The following STK3 variants were observed in gnomAD, a reference collection of about 807,000 sequenced individuals.
STK3 encodes the protein serine/threonine kinase 3.
STK3 carries 41 observed loss-of-function variants against 58.0 expected under a neutral mutation model. The ratio of observed to expected loss-of-function variants is 0.71; its 90% CI spans 0.55 to 0.92. The LOEUF is 0.92. Among genes scored for constraint, STK3 ranks in the 40% least tolerant of loss-of-function variants. The probability of loss-of-function intolerance (pLI) is 0.00; values close to 1 mark genes in which losing one functional copy is unlikely to be tolerated. For synonymous variants in STK3, 170 were observed against 191.0 expected, an observed-to-expected ratio of 0.89 and a Z score of 0.91; for missense variants, 479 against 602.7, an observed-to-expected ratio of 0.79 and a Z score of 2.15.
chr8:98,419,118 TG>T (rs1205616665), intron 3 of STK3, among the ~76,000 whole-genome samples: 1 of 152,120 alleles, frequency 6.6e-6, no homozygotes, highest in Non-Finnish European at 1.5e-5. Context: ...CCCAGCACTT[TG>T]GGGGGCCGAA....
rs574745139 is a variant in STK3 at position 98,436,698 on chromosome 8, A to T, written n.291+405T>A. 13 of 152,290 alleles carry T rather than the reference A, an allele frequency of 8.5e-5. No homozygotes were observed. The South Asian group carries it at 2.7e-3, about 32-fold the overall frequency. The allele number at this position is 152,290 out of a possible 1,614,324, so 9.4% of individuals were successfully genotyped here. A position where few individuals can be genotyped will look rare whatever the true frequency, so the allele number is the denominator to read the frequency against. ...TACTGTGCAGCAGAATCCTCTGGGG[A>T]GCTCTTCACAATGTAGATTTCTGGG... is the stretch of plus-strand genomic sequence containing the variant. On this transcript the variant is annotated intron_variant and non_coding_transcript_variant, in intron 2 of 3. Coordinates refer to the STK3 transcript ENST00000517832.
intron 7 of STK3, among the ~76,000 whole-genome samples, chr8:98,588,752 G>A (rs1372514150): frequency 2.0e-5 from 3 of 151,214 alleles, no homozygotes; most frequent in Admixed American, 2.0e-4. Context: ...ACGTAGATTT[G>A]GTCTTTTCAC....
At chr8:98,700,215 G>A (rs1014011267) in intron 6 of STK3, among the ~76,000 whole-genome samples, 6 of 152,166 alleles carry the variant, frequency 3.9e-5, no homozygotes, top group Admixed American at 1.3e-4. Flanking sequence ...TAAGCCCCTC[G>A]GAAAAGCGCA....
chr8:98,646,118 C>T (rs1446969951), intron 6 of STK3, among the ~76,000 whole-genome samples: 1 of 152,244 alleles, frequency 6.6e-6, no homozygotes, highest in Non-Finnish European at 1.5e-5. Context: ...GCCAGCTGGA[C>T]ATCAGTCTCT....
chr8:98,498,393 T>A (rs1823311340), intron 10 of STK3, among the ~76,000 whole-genome samples: 1 of 152,148 alleles, frequency 6.6e-6, no homozygotes, highest in African/African-American at 2.4e-5. Context: ...TGCAGTAACA[T>A]GTCCTCTCTA....
At chr8:98,493,972 A>G (rs1433753569) in intron 10 of STK3, among the ~76,000 whole-genome samples, 1 of 152,172 alleles carries the variant, frequency 6.6e-6, no homozygotes, top group African/African-American at 2.4e-5. Flanking sequence ...CTGTCCCCTA[A>G]TATCAATTTC....
At chr8:98,654,201 T>G (rs1429579631) in intron 6 of STK3, among the ~76,000 whole-genome samples, 1 of 152,162 alleles carries the variant, frequency 6.6e-6, no homozygotes, top group Non-Finnish European at 1.5e-5. Flanking sequence ...ATAAATGTAA[T>G]CCAGCACAGA....
chr8:98,361,334 AC>A, the STK3 span, among the ~76,000 whole-genome samples: 1 of 151,732 alleles, frequency 6.6e-6, no homozygotes, highest in African/African-American at 2.4e-5. Flanking sequence ...ACAAGGCATG[AC>A]CCCCATATAT....
chr8:98,849,081 C>T (rs951038209), intron 3 of STK3, among the ~76,000 whole-genome samples: 2 of 151,884 alleles, frequency 1.3e-5, no homozygotes, highest in African/African-American at 4.8e-5. Flanking sequence ...AAAAAATTAG[C>T]TGGGCGTGGT....
chr8:98,838,823 G>A (rs775878959), intron 3 of STK3, among the ~76,000 whole-genome samples: 8 of 151,824 alleles, frequency 5.3e-5, no homozygotes, highest in Non-Finnish European at 8.8e-5. Context: ...AACTCTCAAG[G>A]TTATTCCATT....
the STK3 span, among the ~76,000 whole-genome samples, chr8:98,351,289 T>C: frequency 6.6e-6 from 1 of 152,202 alleles, no homozygotes; most frequent in Non-Finnish European, 1.5e-5. Context: ...AAATGAGTGC[T>C]AATGATAAAG....
intron 6 of STK3, among the ~76,000 whole-genome samples, chr8:98,607,242 C>T (rs1243213254): frequency 3.9e-5 from 6 of 152,196 alleles, no homozygotes; most frequent in African/African-American, 7.2e-5. Context: ...TTGTGGTTCT[C>T]GAGGTGTTCA....
At chr8:98,429,460 T>A (rs1818297338) in intron 3 of STK3, 3 of 1,405,540 alleles carry the variant, frequency 2.1e-6, no homozygotes, top group African/African-American at 2.8e-5. Context: ...AGCTGCCTCT[T>A]GTGCCTCTGG....
intron 6 of STK3, among the ~76,000 whole-genome samples, chr8:98,625,057 T>C (rs1818612702): frequency 6.6e-6 from 1 of 152,080 alleles, no homozygotes; most frequent in Admixed American, 6.5e-5. Context: ...AATAAAATCC[T>C]CCAGAGAAGA....
At chr8:98,681,458 T>A (rs1823641451) in intron 6 of STK3, among the ~76,000 whole-genome samples, 2 of 152,174 alleles carry the variant, frequency 1.3e-5, no homozygotes, top group South Asian at 4.1e-4. Context: ...AAAATATAAA[T>A]TTTTTAATAA....
chr8:98,548,306 A>G, intron 8 of STK3, 145 bp from the exon 9 acceptor site: 1 of 583,228 alleles, frequency 1.7e-6, no homozygotes, highest in Non-Finnish European at 2.5e-6. Flanking sequence ...CATACATACA[A>G]ATGTTATTTT....
intron 6 of STK3, chr8:98,597,535 A>G: frequency 1.0e-6 from 1 of 985,426 alleles, no homozygotes; most frequent in Non-Finnish European, 1.2e-6. Flanking sequence ...GAACAATGCT[A>G]TAATTTAGAG....
intron 7 of STK3, among the ~76,000 whole-genome samples, chr8:98,587,923 C>T (rs1019420113): frequency 2.0e-5 from 3 of 152,034 alleles, no homozygotes; most frequent in Non-Finnish European, 2.9e-5. Flanking sequence ...ATTGCAACCC[C>T]TGCCTTTTTT....
intron 8 of STK3, among the ~76,000 whole-genome samples, chr8:98,567,968 A>G (rs1285425446): frequency 3.3e-5 from 5 of 151,904 alleles, no homozygotes; most frequent in Non-Finnish European, 4.4e-5. Flanking sequence ...TGAGGCAGGA[A>G]AACTGCTTGA....
Sources: gnomAD v4.1 joint callset for allele counts (sites outside exome capture counted in the v4.1 genomes callset) on GRCh38, gnomAD v4.1.1 for gene constraint, MANE v1.5 for transcripts, NCBI Gene and HGNC (gene_info 2026-07-23, HGNC 2026-07-21) for gene names.